Variants in SMIM35 observed in about 807,000 individuals in gnomAD.
The protein encoded by SMIM35 is small integral membrane protein 35.
intron 1 of SMIM35, among the ~76,000 whole-genome samples, chr11:118,021,912 C>A (rs933853114): frequency 1.3e-5 from 2 of 152,180 alleles, no homozygotes; most frequent in Admixed American, 6.5e-5. Flanking sequence ...TGCCAGCTAA[C>A]TTGACCTTGT....
chr11:118,045,219 A>G (rs896434137), intron 1 of SMIM35, among the ~76,000 whole-genome samples: 7 of 152,198 alleles, frequency 4.6e-5, no homozygotes, highest in Non-Finnish European at 1.0e-4. Flanking sequence ...GCTGGAATCA[A>G]GAATTCCTCC....
chr11:118,007,989 C>T (rs1048755903), intron 4 of SMIM35, among the ~76,000 whole-genome samples: 3 of 152,066 alleles, frequency 2.0e-5, no homozygotes, highest in Admixed American at 6.5e-5. Context: ...CTTGCCTCAG[C>T]CTCCCTAGTA....
chr11:118,016,252 G>A (rs1203973175), intron 1 of SMIM35, among the ~76,000 whole-genome samples: 1 of 152,170 alleles, frequency 6.6e-6, no homozygotes, highest in Non-Finnish European at 1.5e-5. Context: ...GCAGCAGGGT[G>A]TTAACCCTTG....
intron 1 of SMIM35, among the ~76,000 whole-genome samples, chr11:118,045,751 G>A (rs1944087803): frequency 6.6e-6 from 1 of 152,154 alleles, no homozygotes; most frequent in Non-Finnish European, 1.5e-5. Context: ...ATAATGTACA[G>A]CTCTGAATCT....
At chr11:118,066,492 G>A (rs1482079860) in intron 1 of SMIM35, among the ~76,000 whole-genome samples, 1 of 152,112 alleles carries the variant, frequency 6.6e-6, no homozygotes, top group Non-Finnish European at 1.5e-5. Context: ...ATTACCTAGA[G>A]CTGTGGTCTC....
chr11:118,017,280 C>A (rs548068388), intron 1 of SMIM35, among the ~76,000 whole-genome samples: 67 of 152,272 alleles, frequency 4.4e-4, no homozygotes, highest in Non-Finnish European at 8.5e-4. Flanking sequence ...ATAGAATTCC[C>A]AGATGGAGTT....
intron 1 of SMIM35, among the ~76,000 whole-genome samples, chr11:118,032,922 C>T (rs1207569958): frequency 1.3e-5 from 2 of 152,020 alleles, no homozygotes; most frequent in Admixed American, 6.5e-5. Flanking sequence ...CAAAAAACAA[C>T]AACAAAAAAA....
At chr11:118,058,416 G>A (rs779073704) in intron 1 of SMIM35, among the ~76,000 whole-genome samples, 3 of 152,180 alleles carry the variant, frequency 2.0e-5, no homozygotes, top group Non-Finnish European at 2.9e-5. Flanking sequence ...ACCCAAGGCG[G>A]GAGGGGCGCA....
intron 1 of SMIM35, among the ~76,000 whole-genome samples, chr11:118,072,657 C>T (rs573603988): frequency 1.3e-5 from 2 of 152,220 alleles, no homozygotes; most frequent in East Asian, 3.9e-4. Context: ...TTTCCAAACC[C>T]CCAAGTGTTC....
In SMIM35 at chr11:118,011,695, A is replaced by G. The variant is rs142116871; in HGVS notation, c.*33+2053T>C. On this transcript the variant is annotated intron_variant, in intron 4 of 4. Coordinates refer to ENST00000689828, the MANE Select transcript of SMIM35 (RefSeq NM_001394165.1). ...CAACAGGGCAAGACTCCATCTCAAA[A>G]AAAGAAAGAAAGAAAGTTTTACTGG... Among the ~76,000 whole-genome samples the G allele has an allele frequency of 7.3e-3, 1,109 of 152,238 alleles. 10 individuals carry two copies. Among genetic ancestry groups the G allele is most frequent in the African/African-American group, 0.026 (1,074 of 41,506 alleles).
At chr11:118,040,001 C>G (rs1364795520) in intron 1 of SMIM35, among the ~76,000 whole-genome samples, 1 of 146,572 alleles carries the variant, frequency 6.8e-6, no homozygotes, top group African/African-American at 2.5e-5. Flanking sequence ...GCTGAGATTG[C>G]ACCACTGTAC....
intron 1 of SMIM35, among the ~76,000 whole-genome samples, chr11:118,053,152 C>T (rs764413557): frequency 5.9e-5 from 9 of 152,102 alleles, no homozygotes; most frequent in Non-Finnish European, 1.3e-4. Context: ...ACTAAAAATA[C>T]AAAATTTAGC....
chr11:118,053,880 G>T (rs895229497), intron 1 of SMIM35, among the ~76,000 whole-genome samples: 6 of 152,096 alleles, frequency 3.9e-5, no homozygotes, highest in Admixed American at 2.6e-4. Flanking sequence ...AGACACAATC[G>T]CAAACACTGT....
intron 1 of SMIM35, among the ~76,000 whole-genome samples, chr11:118,017,164 C>T (rs751614822): frequency 2.6e-5 from 4 of 152,020 alleles, no homozygotes; most frequent in Non-Finnish European, 4.4e-5. Flanking sequence ...ATCTCCAGCC[C>T]AGAGAGATGA....
At position 118,081,686 on chromosome 11, in the gene SMIM35, G is replaced by A. The variant is rs1945152562; in HGVS notation, c.7+5065C>T. Among the ~76,000 whole-genome samples, 3 of 152,224 alleles carry A rather than the reference G, an allele frequency of 2.0e-5. No individual in the cohort carries two copies. The South Asian group carries it at 6.2e-4, about 32-fold the overall frequency. On this transcript the variant is annotated intron_variant, in intron 1 of 4. Transcript: ENST00000689828. ...GTCTGGCTGGGCGTCGCCCGCTGGT[G>A]CGGTTGAGCCAACCAATGCTTTCAG...
At chr11:118,083,869 A>C (rs797002226) in intron 1 of SMIM35, among the ~76,000 whole-genome samples, 1 of 152,074 alleles carries the variant, frequency 6.6e-6, no homozygotes, top group Non-Finnish European at 1.5e-5. Flanking sequence ...CCTGGCCAAC[A>C]TGGTGAAAGT....
chr11:118,006,712 G>T (rs1237262124), intron 4 of SMIM35, among the ~76,000 whole-genome samples: 1 of 152,168 alleles, frequency 6.6e-6, no homozygotes, highest in Non-Finnish European at 1.5e-5. Context: ...GAGGCATTTA[G>T]ACTGAGCCTA....
intron 1 of SMIM35, among the ~76,000 whole-genome samples, chr11:118,045,492 A>G (rs1447987592): frequency 6.6e-6 from 1 of 152,182 alleles, no homozygotes; most frequent in Non-Finnish European, 1.5e-5. Flanking sequence ...AGAAGTAAAA[A>G]GAGCCTTTCA....
At chr11:118,048,929 C>T (rs1944156968) in intron 1 of SMIM35, among the ~76,000 whole-genome samples, 1 of 73,298 alleles carries the variant, frequency 1.4e-5, no homozygotes, top group South Asian at 3.8e-4. Flanking sequence ...ATGCCTATCG[C>T]CTAGGCTGAA....
Sources: allele counts gnomAD v4.1 joint callset (sites outside exome capture counted in the v4.1 genomes callset), GRCh38; gene constraint gnomAD v4.1.1; transcripts MANE v1.5; gene names NCBI Gene and HGNC (gene_info 2026-07-23, HGNC 2026-07-21).